The following DMD variants were observed in gnomAD, a reference collection of about 807,000 sequenced individuals.
The protein encoded by DMD is mutant dystrophin.
A neutral mutation model predicts 330.1 loss-of-function variants in DMD; 63 were observed. The ratio of observed to expected loss-of-function variants is 0.19; its 90% CI spans 0.16 to 0.24. The LOEUF is 0.24. Ranked by LOEUF, DMD falls within the 10% of genes least tolerant of loss-of-function variation. DMD has a pLI of 1.00. For synonymous variants in DMD, 1,223 were observed against 959.8 expected (o/e 1.27, Z -5.07); for missense variants, 3,344 against 2,684.1 (o/e 1.25, Z -5.43).
intron 21 of DMD, among the ~76,000 whole-genome samples, chrX:32,481,348 C>T (rs769311973): frequency 2.2e-3 from 241 of 111,635 alleles, no homozygotes; most frequent in Non-Finnish European, 3.5e-3. Flanking sequence ...CACAAGTCTT[C>T]CTGCTTCTCC....
At chrX:32,636,765 A>G (rs2059123317) in intron 11 of DMD, among the ~76,000 whole-genome samples, 1 of 110,995 alleles carries the variant, frequency 9.0e-6, no homozygotes, top group African/African-American at 3.3e-5. Flanking sequence ...TGAGGAGGCT[A>G]AGGCAGGTGG....
At chrX:31,336,779 A>G (rs1328669586) in intron 61 of DMD, among the ~76,000 whole-genome samples, 2 of 112,148 alleles carry the variant, frequency 1.8e-5, no homozygotes, top group Non-Finnish European at 3.8e-5. Context: ...AAGAAAGTAG[A>G]AACTATAAGT....
intron 49 of DMD, among the ~76,000 whole-genome samples, chrX:31,835,384 G>A (rs747549393): frequency 1.8e-5 from 2 of 111,952 alleles, no homozygotes; most frequent in Admixed American, 9.5e-5. Flanking sequence ...TAACTGCTCT[G>A]AGGGCTGGCT....
chrX:31,414,812 A>G (rs1258965935), intron 60 of DMD, among the ~76,000 whole-genome samples: 1 of 111,478 alleles, frequency 9.0e-6, no homozygotes, highest in Non-Finnish European at 1.9e-5. Flanking sequence ...ATGTGTAAGC[A>G]GGCATGCACA....
intron 1 of DMD, among the ~76,000 whole-genome samples, chrX:33,035,208 CT>C (rs200173481): frequency 0.012 from 1,308 of 110,888 alleles, 21 homozygotes; most frequent in African/African-American, 0.04. Context: ...CTTTACTTTG[CT>C]TTTTTTTACA....
At chrX:31,690,389 C>G (rs2083031201) in intron 52 of DMD, among the ~76,000 whole-genome samples, 1 of 112,151 alleles carries the variant, frequency 8.9e-6, no homozygotes, top group Admixed American at 9.4e-5. Context: ...CACTGGCCAT[C>G]AGAGAAACGC....
At position 32,423,471 on chromosome X, in the gene DMD, T is replaced by C. The variant is rs143650098; in HGVS notation, c.4072-11558A>G. ...ATGATTATATGTATACATATGTGCT[T>C]ATATACATGTATATATAAATACATG... On this transcript the variant is annotated intron_variant, in intron 29 of 78. Transcript: ENST00000357033. 2.7e-3 allele frequency among the ~76,000 whole-genome samples: 299 copies of C among 110,603 alleles called. 1 individual carries two copies. Among genetic ancestry groups the C allele is most frequent in the Middle Eastern group, 4.8e-3 (1 of 207 alleles).
chrX:32,704,360 G>A (rs2064412358), intron 7 of DMD, among the ~76,000 whole-genome samples: 1 of 92,675 alleles, frequency 1.1e-5, no homozygotes, highest in Non-Finnish European at 1.9e-5. Flanking sequence ...GATGAAAGCA[G>A]TGCCTTCAAC....
intron 59 of DMD, among the ~76,000 whole-genome samples, chrX:31,476,395 GTGTA>G (rs376560906): frequency 0.1 from 9,158 of 89,420 alleles, 598 homozygotes; most frequent in African/African-American, 0.22. Context: ...ATGTGTGTGT[GTGTA>G]TATATATATA....
At chrX:32,346,673 C>A (rs1186419811) in intron 38 of DMD, among the ~76,000 whole-genome samples, 1 of 111,401 alleles carries the variant, frequency 9.0e-6, no homozygotes. Flanking sequence ...CAAATAATTT[C>A]TAAAATATGT....
intron 43 of DMD, among the ~76,000 whole-genome samples, chrX:32,224,476 C>T (rs540348654): frequency 8.1e-5 from 9 of 111,418 alleles, no homozygotes; most frequent in African/African-American, 2.9e-4. Flanking sequence ...CAAGATAATG[C>T]ATGAACAGCA....
chrX:31,925,698 C>A (rs1234127740), intron 47 of DMD, among the ~76,000 whole-genome samples: 1 of 109,723 alleles, frequency 9.1e-6, no homozygotes, highest in African/African-American at 3.3e-5. Flanking sequence ...GTGGTGAAAC[C>A]CCGTCTCTAC....
At chrX:32,517,722 T>C (rs1398701967) in intron 18 of DMD, 1 of 400,384 alleles carries the variant, frequency 2.5e-6, no homozygotes, top group Non-Finnish European at 4.3e-6. Context: ...ATGAAAGGAA[T>C]CAACATGAAT....
intron 41 of DMD, among the ~76,000 whole-genome samples, chrX:32,337,672 G>A (rs898002372): frequency 2.0e-4 from 22 of 110,378 alleles, no homozygotes; most frequent in Non-Finnish European, 5.7e-5. Flanking sequence ...TCTCGAATAA[G>A]TCTTGTTTTT....
intron 48 of DMD, among the ~76,000 whole-genome samples, chrX:31,859,714 G>C (rs190928018): frequency 2.1e-4 from 24 of 112,361 alleles, no homozygotes; most frequent in African/African-American, 7.7e-4. Context: ...AGCTTTATGA[G>C]ACAATGGAGA....
chrX:32,602,139 T>A (rs1052571435), intron 12 of DMD, among the ~76,000 whole-genome samples: 2 of 111,915 alleles, frequency 1.8e-5, no homozygotes, highest in African/African-American at 6.5e-5. Flanking sequence ...ATACCTGAAC[T>A]TCCAATTTAT....
intron 54 of DMD, among the ~76,000 whole-genome samples, chrX:31,654,939 G>T (rs1359753232): frequency 8.1e-5 from 9 of 111,281 alleles, no homozygotes; most frequent in South Asian, 3.7e-4. Flanking sequence ...AAATAAAAAA[G>T]AAAATGTATA....
chrX:32,747,667 G>T (rs1258083796), intron 7 of DMD, among the ~76,000 whole-genome samples: 1 of 110,034 alleles, frequency 9.1e-6, no homozygotes, highest in Non-Finnish European at 1.9e-5. Flanking sequence ...TTTTTTTTAA[G>T]TATTTTTTGC....
At chrX:32,857,992 C>T (rs1290070340) in intron 2 of DMD, among the ~76,000 whole-genome samples, 2 of 99,414 alleles carry the variant, frequency 2.0e-5, no homozygotes, top group East Asian at 3.9e-4. Context: ...GCTGGGGCAC[C>T]GAGAGAGAGA....
Sources: gnomAD v4.1 joint callset for allele counts (sites outside exome capture counted in the v4.1 genomes callset) on GRCh38, gnomAD v4.1.1 for gene constraint, MANE v1.5 for transcripts, NCBI Gene and HGNC (gene_info 2026-07-23, HGNC 2026-07-21) for gene names.